Variants in TFEC observed in about 807,000 individuals in gnomAD.
TFEC encodes the protein class E basic helix-loop-helix protein 34.
Under a neutral mutation model 41.6 loss-of-function variants are expected in TFEC, and 31 were observed. That is an observed-to-expected ratio of 0.74 (90% CI 0.56 to 1.01). TFEC has a LOEUF of 1.01. Among genes scored for constraint, TFEC ranks in the 50% least tolerant of loss-of-function variants. The probability of loss-of-function intolerance (pLI) is 0.00; values close to 1 mark genes in which losing one functional copy is unlikely to be tolerated. For synonymous variants in TFEC, 143 were observed against 140.6 expected (o/e 1.02, Z -0.12); for missense variants, 402 against 404.1 (o/e 0.99, Z 0.04).
chr7:116,133,128 T>G (rs1157025943), intron 1 of TFEC, among the ~76,000 whole-genome samples: 2 of 152,248 alleles, frequency 1.3e-5, no homozygotes, highest in African/African-American at 2.4e-5. Flanking sequence ...TTTTTGTCAA[T>G]TTTCAAAAGT....
At position 115,936,716 on chromosome 7, in the gene TFEC, A is replaced by T. The variant is rs570814299; in HGVS notation, c.*3835T>A. ...GAAATCTAATTCCCCTCATGACATTATGGTAAATGAGCACACCAAATCAAG... is the reference window on the plus strand; with the variant it reads ...GAAATCTAATTCCCCTCATGACATTTTGGTAAATGAGCACACCAAATCAAG... On this transcript the variant is annotated 3_prime_UTR_variant, in exon 8 of 8. Coordinates refer to ENST00000265440, the MANE Select transcript of TFEC (RefSeq NM_012252.4). 4 of 151,766 alleles carry T rather than the reference A, an allele frequency of 2.6e-5. No homozygotes were observed. The South Asian group carries it at 8.3e-4, about 31-fold the overall frequency. The allele number at this position is 151,766 out of a possible 1,614,324, so 9.4% of individuals were successfully genotyped here.
chr7:115,979,521 A>T (rs1793531490), intron 2 of TFEC, among the ~76,000 whole-genome samples: 1 of 152,140 alleles, frequency 6.6e-6, no homozygotes, highest in Non-Finnish European at 1.5e-5. Context: ...TTGTTCCCTG[A>T]GCATGTGGCA....
At chr7:116,076,057 T>C (rs2131039192) in intron 3 of TFEC, among the ~76,000 whole-genome samples, 1 of 152,314 alleles carries the variant, frequency 6.6e-6, no homozygotes, top group African/African-American at 2.4e-5. Flanking sequence ...CAGGTGCTGT[T>C]ATCCACGGCT....
intron 1 of TFEC, among the ~76,000 whole-genome samples, chr7:116,018,722 T>C (rs956247381): frequency 6.6e-6 from 1 of 152,120 alleles, no homozygotes; most frequent in Admixed American, 6.5e-5. Context: ...GGAGAAATGA[T>C]GAAGTATGAG....
At chr7:115,957,808 C>A (rs1043615892) in intron 3 of TFEC, among the ~76,000 whole-genome samples, 2 of 151,760 alleles carry the variant, frequency 1.3e-5, no homozygotes, top group African/African-American at 4.8e-5. Flanking sequence ...TCACAACCCA[C>A]TTTTTGCAAA....
chr7:116,059,266 C>T (rs567707006), intron 3 of TFEC, among the ~76,000 whole-genome samples: 80 of 151,798 alleles, frequency 5.3e-4, no homozygotes, highest in African/African-American at 1.9e-3. Flanking sequence ...ATTTTTTTGA[C>T]AAATTCTTTA....
rs1222824685 is a variant in TFEC at position 115,935,721 on chromosome 7, T to G, written c.*4830A>C. The G allele has an allele frequency of 6.6e-6, 1 of 151,606 alleles. No individual in the cohort carries two copies. The highest frequency in any genetic ancestry group is 2.4e-5 in the African/African-American group (1 of 41,414). The allele number at this position is 151,606 out of a possible 1,614,324, so 9.4% of individuals were successfully genotyped here. On this transcript the variant is annotated 3_prime_UTR_variant, in exon 8 of 8. Transcript: ENST00000265440. ...AAATACAGTGACAATATAGAATTTT[T>G]GCAATAAAACAGTAGTGCAGGGATA...
chr7:116,060,047 G>T (rs1254052256), intron 3 of TFEC, among the ~76,000 whole-genome samples: 1 of 151,972 alleles, frequency 6.6e-6, no homozygotes, highest in East Asian at 1.9e-4. Context: ...GATCACATGA[G>T]TGTCTATGTA....
chr7:116,108,179 C>T (rs986260588), intron 3 of TFEC, among the ~76,000 whole-genome samples: 3 of 152,026 alleles, frequency 2.0e-5, no homozygotes, highest in African/African-American at 4.8e-5. Flanking sequence ...TTTTAAGACG[C>T]AAAGGTATTT....
intron 3 of TFEC, among the ~76,000 whole-genome samples, chr7:115,971,241 T>C (rs12706066): frequency 0.14 from 20,822 of 151,992 alleles, 1,929 homozygotes; most frequent in Non-Finnish European, 0.21. Context: ...CTCCATTATC[T>C]CAGAGCTTTA....
chr7:116,071,045 AT>A (rs1796815550), intron 3 of TFEC, among the ~76,000 whole-genome samples: 1 of 151,438 alleles, frequency 6.6e-6, no homozygotes, highest in Non-Finnish European at 1.5e-5. Context: ...AAAGACAAAG[AT>A]TCAAATGATA....
At chr7:116,007,906 T>A (rs1794860960) in intron 1 of TFEC, among the ~76,000 whole-genome samples, 1 of 152,250 alleles carries the variant, frequency 6.6e-6, no homozygotes. Flanking sequence ...CATACAATAA[T>A]GGTAAAAGCC....
At chr7:115,968,500 CA>C (rs1386494655) in intron 3 of TFEC, among the ~76,000 whole-genome samples, 1 of 151,786 alleles carries the variant, frequency 6.6e-6, no homozygotes, top group Non-Finnish European at 1.5e-5. Flanking sequence ...TACCAAATGC[CA>C]CCAGCATTTA....
chr7:116,073,622 T>C (rs1027328619), intron 3 of TFEC, among the ~76,000 whole-genome samples: 2 of 151,960 alleles, frequency 1.3e-5, no homozygotes, highest in Non-Finnish European at 2.9e-5. Flanking sequence ...TTGCATAAAT[T>C]GACAAGCTGA....
rs554190737 is a variant in TFEC at position 116,152,407 on chromosome 7, G to C, written c.-69+7383C>G. On this transcript the variant is annotated intron_variant, in intron 1 of 8. Coordinates refer to the TFEC transcript ENST00000484212. ...CAATGCAGTTAGAATTTGCAGGGCA[G>C]AGTTTACCAAAGTAAAAAGAGCTGC... Among the ~76,000 whole-genome samples the C allele has an allele frequency of 4.6e-5, 7 of 152,310 alleles. No individual in the cohort carries two copies. The South Asian group carries it at 1.4e-3, about 32-fold the overall frequency.
At chr7:116,044,243 C>T (rs1245315214) in intron 3 of TFEC, among the ~76,000 whole-genome samples, 3 of 152,090 alleles carry the variant, frequency 2.0e-5, no homozygotes, top group East Asian at 1.9e-4. Context: ...GCATATCCTT[C>T]GTCATGGCCA....
chr7:115,942,046 G>A lies in TFEC; in HGVS notation c.516-6C>T. 1 of 1,605,744 alleles carries A rather than the reference G, an allele frequency of 6.2e-7. No homozygotes were observed. Among genetic ancestry groups the A allele is most frequent in the Non-Finnish European group, 8.5e-7 (1 of 1,175,714 alleles). On this transcript the variant is annotated splice_region_variant and splice_polypyrimidine_tract_variant and intron_variant, in intron 6 of 7. Transcript: ENST00000265440. Reference sequence around the variant, plus strand: ...CTTTGTTCCAGCGCATATCACTGTAGAATGGAGAGATAACCTTTTCACAAT... The same window carrying A: ...CTTTGTTCCAGCGCATATCACTGTAAAATGGAGAGATAACCTTTTCACAAT...
At chr7:116,056,985 T>C (rs1796446466) in intron 3 of TFEC, among the ~76,000 whole-genome samples, 1 of 152,128 alleles carries the variant, frequency 6.6e-6, no homozygotes, top group East Asian at 1.9e-4. Context: ...AAGACTCAAA[T>C]TGAACTTCTA....
chr7:116,049,937 T>G (rs943391358), intron 3 of TFEC, among the ~76,000 whole-genome samples: 1 of 152,128 alleles, frequency 6.6e-6, no homozygotes, highest in Admixed American at 6.5e-5. Context: ...CCAATGAGAA[T>G]GAAGACACAA....
Sources: allele counts gnomAD v4.1 joint callset (sites outside exome capture counted in the v4.1 genomes callset), GRCh38; gene constraint gnomAD v4.1.1; transcripts MANE v1.5; gene names NCBI Gene and HGNC (gene_info 2026-07-23, HGNC 2026-07-21).